The following WDR24 variants were observed in gnomAD, a reference collection of about 807,000 sequenced individuals.
WDR24 encodes the protein GATOR2 complex protein WDR24.
A neutral mutation model predicts 66.7 loss-of-function variants in WDR24; 32 were observed. The observed-to-expected ratio is 0.48, with a 90% confidence interval of 0.36 to 0.64. WDR24 has a LOEUF of 0.64. WDR24 is among the 30% of genes least tolerant of loss of function. The pLI is 0.00. For missense variants in WDR24, 978 were observed against 1,144.1 expected (o/e 0.85, Z 2.09); for synonymous variants, 565 against 469.1 (o/e 1.20, Z -2.64).
At chr16:686,026 G>C (rs777378263) in intron 4 of WDR24, 36 bp from the exon 5 acceptor site, 1 of 1,612,704 alleles carries the variant, frequency 6.2e-7, no homozygotes, top group African/African-American at 1.3e-5. Context: ...GGGTGGGCTC[G>C]AGCAGCCCCA....
Position 685,798 on chromosome 16 carries a change from G to A in WDR24, c.1574-15C>T, listed in dbSNP as rs1422794731. 1 of 1,613,012 alleles carries A rather than the reference G, an allele frequency of 6.2e-7. No homozygotes were observed. Among genetic ancestry groups the A allele is most frequent in the Non-Finnish European group, 8.5e-7 (1 of 1,180,012 alleles). ...TTCCTCGTTATCTGCCCGACAATGG[G>A]GCGGGCATTCAGGGTCGTCTGGGAC... is the stretch of plus-strand genomic sequence containing the variant. On this transcript the variant is annotated splice_polypyrimidine_tract_variant and intron_variant, in intron 5 of 8. Coordinates refer to ENST00000293883, the MANE Select transcript of WDR24 (RefSeq NM_032259.4).
rs1444274772 is a variant in WDR24, at chr16:686,142, A to G, written c.1377T>C (p.Pro459=). ...TGAGGTTTGCAGTGGGCACTAGGCC[A>G]GGGCTGCAGTAGATGATCCGCAGCA... ...WTMLRIIYCS[P]GLVPTANLNH... The change falls in exon 4 of 9, where the codon CCT becomes CCC. Residue 459 remains proline, a synonymous_variant. Transcript: ENST00000293883. 2 of 1,613,054 alleles carry G rather than the reference A, an allele frequency of 1.2e-6. No individual in the cohort carries two copies. Among genetic ancestry groups the G allele is most frequent in the Non-Finnish European group, 1.7e-6 (2 of 1,179,964 alleles).
Position 685,012 on chromosome 16 carries a change from G to C in WDR24, c.2184C>G (p.Ser728Arg). 1 of 1,551,702 alleles carries C rather than the reference G, an allele frequency of 6.4e-7. No homozygotes were observed. The highest frequency in any genetic ancestry group is 8.7e-7 in the Non-Finnish European group (1 of 1,150,550). ...CCCACCTGTCGCAGACCCAGCCCCG[G>C]CTGCTCATGGGCCGCTTGCAGTGGC... Reference protein sequence around the residue: ...NCSHCKRPMSSRGWVCDRCHR... With the variant: ...NCSHCKRPMSRRGWVCDRCHR... Residue 728 changes from serine to arginine, a missense_variant, in exon 8 of 9, where the codon AGC becomes AGG. Ser to Arg is a moderately radical substitution (Grantham distance 110, BLOSUM62 -1). This residue lies in a region of WDR24 where 676 missense variants were observed against 617.5 expected (regional missense o/e 1.09). Coordinates refer to ENST00000293883, the MANE Select transcript of WDR24 (RefSeq NM_032259.4).
intron 1 of WDR24, 183 bp downstream of exon 1, chr16:688,976 TG>T (rs2039938774): frequency 1.1e-6 from 1 of 919,646 alleles, no homozygotes; most frequent in Non-Finnish European, 1.6e-6. Context: ...TTGACTGCCC[TG>T]GCTCACATGC....
chr16:685,683 C>A lies in WDR24; in HGVS notation c.1674G>T (p.Ala558=), dbSNP rs2039890524. The part of the protein sequence containing the change: ...DELYLLDPEH[A]HPEDPECVLP... ...CCTGCCCGGACCCCCACTCACGGTG[C>A]GCGTGTTCCGGATCCAGCAGGTACA... Residue 558 remains alanine (A), a synonymous_variant, in exon 6 of 9, where the codon GCG becomes GCT. Transcript: ENST00000293883. 1 of 1,612,896 alleles carries A rather than the reference C, an allele frequency of 6.2e-7. No individual in the cohort carries two copies. Among genetic ancestry groups the A allele is most frequent in the African/African-American group, 1.3e-5 (1 of 74,938 alleles).
In WDR24 at chr16:689,444, C is replaced by T. The variant is rs780163101; in HGVS notation, c.197G>A (p.Arg66His). 5.0e-6 allele frequency: 8 copies of T among 1,613,676 alleles called. No individual in the cohort carries two copies. Among genetic ancestry groups the T allele is most frequent in the East Asian group, 2.2e-5 (1 of 44,894 alleles). Residue 66 changes from arginine to histidine, a missense_variant, in exon 1 of 9, where the codon CGT becomes CAT. Physicochemically the swap from Arg to His is conservative, Grantham distance 29. This residue lies in a region of WDR24 where 302 missense variants were observed against 526.6 expected (regional missense o/e 0.57). Transcript: ENST00000293883. ...EEQFVEKLNL[R>H]VGRKPSLNLS... ...GTTAAGCGAAGGCTTGCGCCCCACA[C>T]GCAGGTTCAGCTTTTCCACGAACTG...
Position 690,175 on chromosome 16 carries a change from C to T in WDR24, c.-535G>A. The T allele has an allele frequency of 2.5e-6, 1 of 404,602 alleles. No homozygotes were observed. The highest frequency in any genetic ancestry group is 1.8e-5 in the South Asian group (1 of 56,150). 25.1% of individuals were successfully genotyped at this position (404,602 alleles called of 1,614,324 possible). On this transcript the variant is annotated 5_prime_UTR_variant, in exon 1 of 9. Coordinates refer to ENST00000293883, the MANE Select transcript of WDR24 (RefSeq NM_032259.4). ...ACGCGGGAAGGGCCCAGAGGGACGT[C>T]AAGGACCGAGCTACTTAAGGAGCTC...
Position 686,807 on chromosome 16 carries a change from G to A in WDR24, c.1269C>T (p.Gly423=). ...GGTCACAGAGCTCGGCCAGTGGCCGGCCAGCCAGCGCATAACGCTCAGCTG... is the reference window on the plus strand; with the variant it reads ...GGTCACAGAGCTCGGCCAGTGGCCGACCAGCCAGCGCATAACGCTCAGCTG... ...VDTAERYALA[G]RPLAELCDHN... The change falls in exon 3 of 9, where the codon GGC becomes GGT. Residue 423 remains glycine, a synonymous_variant. Coordinates refer to ENST00000293883, the MANE Select transcript of WDR24 (RefSeq NM_032259.4). 1 of 1,611,202 alleles carries A rather than the reference G, an allele frequency of 6.2e-7. No homozygotes were observed. The highest frequency in any genetic ancestry group is 8.5e-7 in the Non-Finnish European group (1 of 1,178,956).
In WDR24 at chr16:687,657, C is replaced by T. The variant is rs1386646006; in HGVS notation, c.564G>A (p.Val188=). The change falls in exon 2 of 9, where the codon GTG becomes GTA. Residue 188 remains valine, a synonymous_variant. Coordinates refer to ENST00000293883, the MANE Select transcript of WDR24 (RefSeq NM_032259.4). Reference sequence around the variant, plus strand: ...CGGGACGCCGGATGTCCCAGAGCTGCACATTGCCGTTCTCAAAGGTGGAGG... The same window carrying T: ...CGGGACGCCGGATGTCCCAGAGCTGTACATTGCCGTTCTCAAAGGTGGAGG... ...TFASTFENGN[V]QLWDIRRPDR... 6.2e-7 allele frequency: 1 copy of T among 1,613,672 alleles called. No homozygotes were observed. Among genetic ancestry groups the T allele is most frequent in the Non-Finnish European group, 8.5e-7 (1 of 1,180,034 alleles).
intron 6 of WDR24, 21 bp downstream of exon 6, chr16:685,658 C>T (rs750690858): frequency 6.2e-7 from 1 of 1,612,570 alleles, no homozygotes; most frequent in Non-Finnish European, 8.5e-7. Flanking sequence ...TGAACCCCAC[C>T]CTGCCCGGAC....
In WDR24 at chr16:684,996, C is replaced by T. The variant is rs762444832; in HGVS notation, c.2200G>A (p.Asp734Asn). The change falls in exon 8 of 9, where the codon GAC becomes AAC. Residue 734 changes from aspartate to asparagine, a missense_variant. By Grantham distance (23) the Asp-to-Asn change is conservative. Coordinates refer to ENST00000293883, the MANE Select transcript of WDR24 (RefSeq NM_032259.4). ...CTCCCGACCCCACTGCCCCACCTGT[C>T]GCAGACCCAGCCCCGGCTGCTCATG... ...RPMSSRGWVC[D>N]RCHRCASMCA... 2.6e-6 allele frequency: 4 copies of T among 1,546,398 alleles called. No individual in the cohort carries two copies. The highest frequency in any genetic ancestry group is 8.7e-7 in the Non-Finnish European group (1 of 1,148,358).
chr16:684,806 C>T lies in WDR24; in HGVS notation c.2301G>A (p.Gln767=), dbSNP rs1220714564. The T allele has an allele frequency of 6.3e-7, 1 of 1,583,752 alleles. No individual in the cohort carries two copies. Among genetic ancestry groups the T allele is most frequent in the South Asian group, 1.2e-5 (1 of 86,918 alleles). The change falls in exon 9 of 9, where the codon CAG becomes CAA. Residue 767 remains glutamine, a synonymous_variant. Coordinates refer to ENST00000293883, the MANE Select transcript of WDR24 (RefSeq NM_032259.4). ...TGCCTTCCAGCCACTTCATGATGTG[C>T]TGCAGGTGGCCGCCGTGGCTGCAGC... is the stretch of plus-strand genomic sequence containing the variant. ...CQGCSHGGHL[Q]HIMKWLEGSS...
rs774603570 is a variant in WDR24 at position 687,662 on chromosome 16, TGCCGTTCTCAAA to T, written c.547_558del (p.Phe183_Gly186del). ...CGCCGGATGTCCCAGAGCTGCACAT[TGCCGTTCTCAAA>T]GGTGGAGGCGAAGGTGAAGTAGTCC... On this transcript the variant is annotated inframe_deletion, in exon 2 of 9. Coordinates refer to ENST00000293883, the MANE Select transcript of WDR24 (RefSeq NM_032259.4). 6.2e-7 allele frequency: 1 copy of T among 1,613,652 alleles called. No individual in the cohort carries two copies. The highest frequency in any genetic ancestry group is 8.5e-7 in the Non-Finnish European group (1 of 1,180,030).
chr16:685,261 G>T lies in WDR24; in HGVS notation c.2015C>A (p.Thr672Asn). The T allele has an allele frequency of 6.3e-7, 1 of 1,593,834 alleles. No individual in the cohort carries two copies. Among genetic ancestry groups the T allele is most frequent in the South Asian group, 1.1e-5 (1 of 90,532 alleles). ...ERVRKDIDEQ[T>N]QEHWYTSYID... ...GAGGCCCCGCCCACCACACACCTGGGTCTGCTCGTCGATGTCCTTGCGCAC... is the reference window on the plus strand; with the variant it reads ...GAGGCCCCGCCCACCACACACCTGGTTCTGCTCGTCGATGTCCTTGCGCAC... Residue 672 changes from threonine (T) to asparagine (N), a missense_variant, in exon 7 of 9, where the codon ACC (threonine) becomes AAC (asparagine). Thr to Asn is a moderately conservative substitution (Grantham distance 65). Transcript: ENST00000293883.
Position 689,503 on chromosome 16 carries a change from A to G in WDR24, c.138T>C (p.Arg46=), listed in dbSNP as rs772539195. 3 of 1,613,134 alleles carry G rather than the reference A, an allele frequency of 1.9e-6. No individual in the cohort carries two copies. Among genetic ancestry groups the G allele is most frequent in the Non-Finnish European group, 2.5e-6 (3 of 1,180,044 alleles). The change falls in exon 1 of 9, where the codon CGT becomes CGC. Residue 46 remains arginine (R), a synonymous_variant. Transcript: ENST00000293883. ...CGATGGCATAGATCTTGAAGATGCT[A>G]CGGCCTGCCACGACCACCTGGGCTG... ...RDAAQVVVAG[R]SIFKIYAIEE...
At chr16:686,490 G>C (rs542292374) in intron 3 of WDR24, among the ~76,000 whole-genome samples, 1 of 152,154 alleles carries the variant, frequency 6.6e-6, no homozygotes, top group Admixed American at 6.5e-5. Flanking sequence ...CAGAAGCAAG[G>C]GGGGAAGAAC....
intron 1 of WDR24, 41 bp downstream of exon 1, chr16:689,119 C>A: frequency 6.2e-7 from 1 of 1,601,554 alleles, no homozygotes; most frequent in South Asian, 1.1e-5. Context: ...TGGGCACCGG[C>A]AGAGACGCCC....
chr16:687,844 C>T (rs1009393703), intron 1 of WDR24, 105 bp from the exon 2 acceptor site: 2 of 1,417,050 alleles, frequency 1.4e-6, no homozygotes, highest in Admixed American at 3.9e-5. Flanking sequence ...TGGCCCAGAA[C>T]AGAGGCCCAG....
Position 690,237 on chromosome 16 carries a change from G to C in WDR24, c.-597C>G, listed in dbSNP as rs1166566347. 5.1e-6 allele frequency: 2 copies of C among 395,554 alleles called. No individual in the cohort carries two copies. The highest frequency in any genetic ancestry group is 1.0e-5 in the Non-Finnish European group (2 of 198,566). The allele number at this position is 395,554 out of a possible 1,614,324, so 24.5% of individuals were successfully genotyped here. ...CGGGACCGGAGGCAGGAGAGAAGCC[G>C]GCGACCCCGGAGTACAGGGTTCCTG... On this transcript the variant is annotated 5_prime_UTR_variant, in exon 1 of 9. Transcript: ENST00000293883.
Sources: allele counts gnomAD v4.1 joint callset (sites outside exome capture counted in the v4.1 genomes callset), GRCh38; gene constraint gnomAD v4.1.1; regional missense constraint gnomAD v4.1.1; transcripts MANE v1.5; gene names NCBI Gene and HGNC (gene_info 2026-07-23, HGNC 2026-07-21).